The following PLCZ1 variants were observed in gnomAD, a reference collection of about 807,000 sequenced individuals.
PLCZ1 encodes the protein 1-phosphatidylinositol 4,5-bisphosphate phosphodiesterase zeta-1.
Under a neutral mutation model 76.8 loss-of-function variants are expected in PLCZ1, and 64 were observed. That is an observed-to-expected ratio of 0.83 (90% CI 0.68 to 1.03). The LOEUF is 1.03. PLCZ1 is among the 50% of genes least tolerant of loss of function. The pLI is 0.00. For synonymous variants in PLCZ1, 248 were observed against 230.8 expected (o/e 1.07, Z -0.68); for missense variants, 751 against 713.7 (o/e 1.05, Z -0.60).
At chr12:18,726,174 G>A (rs1958737651) in intron 3 of PLCZ1, among the ~76,000 whole-genome samples, 1 of 152,052 alleles carries the variant, frequency 6.6e-6, no homozygotes, top group Admixed American at 6.6e-5. Context: ...CTAGACTTAA[G>A]GAGGATAGGA....
In PLCZ1 at chr12:18,737,465, T is replaced by A. The variant is rs768962770; in HGVS notation, c.-94A>T. On this transcript the variant is annotated 5_prime_UTR_variant, in exon 2 of 15. An upstream open reading frame in the 5' UTR gains an earlier in-frame stop. Transcript: ENST00000266505. ...TCCAAATACAATTAACTCTGCCCCT[T>A]TGCAGAAAATAATTTCTTGATACTC... 2.0e-6 allele frequency: 3 copies of A among 1,534,770 alleles called. No individual in the cohort carries two copies. The highest frequency in any genetic ancestry group is 2.7e-6 in the Non-Finnish European group (3 of 1,108,996).
intron 12 of PLCZ1, among the ~76,000 whole-genome samples, chr12:18,689,889 A>T (rs995286531): frequency 6.6e-6 from 1 of 152,154 alleles, no homozygotes; most frequent in Non-Finnish European, 1.5e-5. Context: ...TGAGCAAGTC[A>T]TAAAGTAATC....
At chr12:18,682,572 T>G (rs990957380), downstream of PLCZ1, among the ~76,000 whole-genome samples, 2 of 151,998 alleles carry the variant, frequency 1.3e-5, no homozygotes, top group African/African-American at 4.8e-5. Context: ...GAAAGTATAT[T>G]TAGTATAGAT....
At chr12:18,736,169 T>C in intron 3 of PLCZ1, 52 bp downstream of exon 3, 1 of 1,585,420 alleles carries the variant, frequency 6.3e-7, no homozygotes, top group Non-Finnish European at 8.6e-7. Flanking sequence ...TTACTGACAT[T>C]GGATTAAGTT....
the PLCZ1 span, among the ~76,000 whole-genome samples, chr12:18,667,579 T>C: frequency 1.3e-5 from 2 of 152,170 alleles, no homozygotes; most frequent in African/African-American, 4.8e-5. Flanking sequence ...AGATCCTTTC[T>C]TCATGATCCT....
intron 5 of PLCZ1, among the ~76,000 whole-genome samples, chr12:18,718,081 C>G (rs1023554095): frequency 6.6e-6 from 1 of 152,024 alleles, no homozygotes; most frequent in Admixed American, 6.6e-5. Context: ...TATGATTTAG[C>G]CTCACTGTAA....
At chr12:18,699,403 C>A (rs1268403696) in intron 10 of PLCZ1, among the ~76,000 whole-genome samples, 1 of 152,166 alleles carries the variant, frequency 6.6e-6, no homozygotes, top group Non-Finnish European at 1.5e-5. Flanking sequence ...TAGAGTGGAT[C>A]ATGCCACTCC....
the PLCZ1 span, among the ~76,000 whole-genome samples, chr12:18,663,197 T>C: frequency 2.6e-5 from 4 of 152,146 alleles, no homozygotes; most frequent in Admixed American, 2.6e-4. Flanking sequence ...TCACTTTTAT[T>C]CAACATAGTA....
At chr12:18,658,344 A>G in the PLCZ1 span, among the ~76,000 whole-genome samples, 1 of 152,186 alleles carries the variant, frequency 6.6e-6, no homozygotes, top group Non-Finnish European at 1.5e-5. Context: ...AGGCTCAACA[A>G]ACTCTAAGTA....
intron 12 of PLCZ1, chr12:18,693,855 C>T (rs1166376400): frequency 1.7e-5 from 26 of 1,531,730 alleles, no homozygotes; most frequent in African/African-American, 5.5e-5. Context: ...GATGAAAAGA[C>T]GAAGAAGCCC....
At chr12:18,724,898 C>T (rs1009345834) in intron 3 of PLCZ1, among the ~76,000 whole-genome samples, 6 of 151,966 alleles carry the variant, frequency 3.9e-5, no homozygotes, top group African/African-American at 1.4e-4. Context: ...ATAAAATATA[C>T]ATTATTCACT....
rs766953145 is a variant in PLCZ1 at position 18,699,810 on chromosome 12, T to A, written c.1158A>T (p.Lys386Asn). 2 of 1,613,544 alleles carry A rather than the reference T, an allele frequency of 1.2e-6. No homozygotes were observed. The highest frequency in any genetic ancestry group is 2.2e-5 in the South Asian group (2 of 91,080). ...NNSIGETQAR[K>N]LSKLRVHEFI... Reference sequence around the variant, plus strand: ...AAAATTTACCTCGCAATTTTGAAAGTTTTCGGGCTTGTGTCTCCCCAATAG... The same window carrying A: ...AAAATTTACCTCGCAATTTTGAAAGATTTCGGGCTTGTGTCTCCCCAATAG... The change falls in exon 10 of 15, where the codon AAA becomes AAT. Residue 386 changes from lysine (K) to asparagine (N), a missense_variant. Transcript: ENST00000266505.
chr12:18,681,691 G>C (rs553601429), downstream of PLCZ1, among the ~76,000 whole-genome samples: 8 of 152,086 alleles, frequency 5.3e-5, no homozygotes, highest in African/African-American at 1.9e-4. Context: ...CGCAAAGTCC[G>C]TATTCCTAAT....
the PLCZ1 span, among the ~76,000 whole-genome samples, chr12:18,663,851 A>T: frequency 1.3e-5 from 2 of 152,198 alleles, no homozygotes; most frequent in African/African-American, 4.8e-5. Context: ...CATACATCTT[A>T]TAAGGAATTA....
chr12:18,659,680 TACTATTA>T, the PLCZ1 span, among the ~76,000 whole-genome samples: 3 of 148,412 alleles, frequency 2.0e-5, no homozygotes, highest in African/African-American at 7.5e-5. Context: ...TTTTTTTTTT[TACTATTA>T]TTATACTTTA....
intron 3 of PLCZ1, among the ~76,000 whole-genome samples, chr12:18,724,399 A>G (rs1188479367): frequency 6.6e-6 from 1 of 152,122 alleles, no homozygotes; most frequent in Non-Finnish European, 1.5e-5. Context: ...TAGTATCACT[A>G]ACAAATAAAA....
At chr12:18,672,070 A>G in the PLCZ1 span, among the ~76,000 whole-genome samples, 2 of 152,314 alleles carry the variant, frequency 1.3e-5, no homozygotes, top group East Asian at 1.9e-4. Flanking sequence ...ATTTCAGCAT[A>G]TGAATTTTAT....
chr12:18,729,146 A>G (rs1373352267), intron 3 of PLCZ1, among the ~76,000 whole-genome samples: 1 of 152,100 alleles, frequency 6.6e-6, no homozygotes, highest in Non-Finnish European at 1.5e-5. Flanking sequence ...ATGGTCTACC[A>G]TTCAAGGTTT....
At chr12:18,730,194 G>A (rs547509248) in intron 3 of PLCZ1, among the ~76,000 whole-genome samples, 4 of 152,180 alleles carry the variant, frequency 2.6e-5, no homozygotes, top group East Asian at 3.9e-4. Flanking sequence ...TTTTGGTCAC[G>A]TAGGACTCAT....
Sources: gnomAD v4.1 joint callset for allele counts (sites outside exome capture counted in the v4.1 genomes callset) on GRCh38, gnomAD v4.1.1 for gene constraint, MANE v1.5 for transcripts, NCBI Gene and HGNC (gene_info 2026-07-23, HGNC 2026-07-21) for gene names.